The following TBC1D1 variants were observed in gnomAD, a reference collection of about 807,000 sequenced individuals.
TBC1D1 encodes TBC1 (tre-2/USP6, BUB2, cdc16) domain family, member 1.
TBC1D1 carries 89 observed loss-of-function variants against 125.6 expected under a neutral mutation model. The ratio of observed to expected loss-of-function variants is 0.71; its 90% CI spans 0.60 to 0.85. The LOEUF (loss-of-function observed/expected upper bound fraction) is 0.85. Among genes scored for constraint, TBC1D1 ranks in the 40% least tolerant of loss-of-function variants. The probability of loss-of-function intolerance (pLI) is 0.00; values close to 1 mark genes in which losing one functional copy is unlikely to be tolerated. For synonymous variants in TBC1D1, 565 were observed against 564.1 expected (o/e 1.00, Z -0.02); for missense variants, 1,377 against 1,469.2 (o/e 0.94, Z 1.03).
chr4:38,050,272 C>T (rs1750263192), intron 11 of TBC1D1, among the ~76,000 whole-genome samples: 1 of 152,186 alleles, frequency 6.6e-6, no homozygotes, highest in Non-Finnish European at 1.5e-5. Flanking sequence ...AGGCGCTGAT[C>T]CTTACAGGCA....
chr4:38,114,879 C>A (rs190477738), intron 15 of TBC1D1, among the ~76,000 whole-genome samples: 1 of 151,708 alleles, frequency 6.6e-6, no homozygotes, highest in Non-Finnish European at 1.5e-5. Flanking sequence ...TTTGAAAGTA[C>A]GGAGATATGC....
At position 38,106,500 on chromosome 4, in the gene TBC1D1, A is replaced by G. The variant is rs2152563014; in HGVS notation, c.2557+3343A>G. ...ATTGGCAGTAGCTGCATTTGCTGAC[A>G]TGGTGAGTTACAGGAAATGCCATCA... is the stretch of plus-strand genomic sequence containing the variant. On this transcript the variant is annotated intron_variant, in intron 15 of 19. Transcript: ENST00000261439. Among the ~76,000 whole-genome samples, 5 of 152,326 alleles carry G rather than the reference A, an allele frequency of 3.3e-5. 1 individual carries two copies. The highest frequency in any genetic ancestry group is 3.3e-4 in the Admixed American group (5 of 15,308).
chr4:38,057,750 A>G (rs966356343), intron 12 of TBC1D1, among the ~76,000 whole-genome samples: 3 of 152,348 alleles, frequency 2.0e-5, no homozygotes, highest in Admixed American at 6.5e-5. Flanking sequence ...AAGAACATCG[A>G]CATTTTTATG....
chr4:37,961,214 G>GGATA, intron 2 of TBC1D1: 1 of 726,834 alleles, frequency 1.4e-6, no homozygotes, highest in Non-Finnish European at 2.2e-6. Context: ...TACTCTTTGG[G>GGATA]GATATGTCAA....
Position 38,049,606 on chromosome 4 carries a change from G to A in TBC1D1, c.1630-12G>A. 2 of 1,594,984 alleles carry A rather than the reference G, an allele frequency of 1.3e-6. No individual in the cohort carries two copies. The highest frequency in any genetic ancestry group is 1.3e-5 in the African/African-American group (1 of 74,222). ...CCATGGTGTGTCTGATCTGCTGTGT[G>A]TTTGCTCCCAGGAGCCATCTGTGTG... On this transcript the variant is annotated splice_polypyrimidine_tract_variant and intron_variant, in intron 10 of 19. Coordinates refer to ENST00000261439, the MANE Select transcript of TBC1D1 (RefSeq NM_015173.4).
In TBC1D1 at chr4:37,920,578, G is replaced by T. The variant is rs539507639; in HGVS notation, c.417+18066G>T. Among the ~76,000 whole-genome samples the T allele has an allele frequency of 9.8e-5, 15 of 152,290 alleles. 1 individual carries two copies. In the South Asian group the frequency reaches 2.7e-3, roughly 27 times the overall value. ...TGCAGATTTCTGGGGTATTGGAGCC[G>T]TTTGAGGGATGTTCAATGGGCTGAA... On this transcript the variant is annotated intron_variant, in intron 2 of 19. Coordinates refer to ENST00000261439, the MANE Select transcript of TBC1D1 (RefSeq NM_015173.4).
intron 15 of TBC1D1, among the ~76,000 whole-genome samples, chr4:38,105,156 C>G (rs1761087602): frequency 6.6e-6 from 1 of 152,044 alleles, no homozygotes; most frequent in Non-Finnish European, 1.5e-5. Context: ...TCTTGCTAAG[C>G]CCCCTGTAGC....
At chr4:38,130,600 G>C (rs1765429355) in intron 18 of TBC1D1, among the ~76,000 whole-genome samples, 1 of 152,194 alleles carries the variant, frequency 6.6e-6, no homozygotes, top group South Asian at 2.1e-4. Context: ...CAAGAAAGAA[G>C]ATGAGAGCCA....
At chr4:37,959,619 G>T (rs1729586650) in intron 2 of TBC1D1, among the ~76,000 whole-genome samples, 1 of 152,176 alleles carries the variant, frequency 6.6e-6, no homozygotes, top group South Asian at 2.1e-4. Context: ...CTGGGTCAAA[G>T]ATTCATAGAA....
rs1766909922 is a variant in TBC1D1 at position 38,137,977 on chromosome 4, G to T, written c.*642G>T. 1 of 152,498 alleles carries T rather than the reference G, an allele frequency of 6.6e-6. No individual in the cohort carries two copies. The highest frequency in any genetic ancestry group is 2.4e-5 in the African/African-American group (1 of 41,394). The allele number at this position is 152,498 out of a possible 1,614,324, so 9.4% of individuals were successfully genotyped here. On this transcript the variant is annotated 3_prime_UTR_variant, in exon 20 of 20. Coordinates refer to ENST00000261439, the MANE Select transcript of TBC1D1 (RefSeq NM_015173.4). ...AAAGGAGTTAACATTTGAGGACTTT[G>T]TTCTACATCAGATTTTACTATTTGA...
chr4:37,912,605 T>C (rs1248655867), intron 2 of TBC1D1, among the ~76,000 whole-genome samples: 1 of 152,192 alleles, frequency 6.6e-6, no homozygotes, highest in Non-Finnish European at 1.5e-5. Flanking sequence ...ACCAATGTAA[T>C]AGTATTAAGA....
At chr4:38,020,562 C>G in intron 4 of TBC1D1, 29 bp from the exon 5 acceptor site, 1 of 1,586,576 alleles carries the variant, frequency 6.3e-7, no homozygotes, top group Non-Finnish European at 8.6e-7. Context: ...CTGGATACAA[C>G]TGAACATCTC....
At chr4:37,960,323 C>T in intron 2 of TBC1D1, 1 of 1,016,836 alleles carries the variant, frequency 9.8e-7, no homozygotes, top group South Asian at 1.7e-5. Flanking sequence ...ATGTGCTAGG[C>T]ACAAAAATTA....
chr4:37,984,288 G>A (rs922596814), intron 2 of TBC1D1, among the ~76,000 whole-genome samples: 1 of 152,138 alleles, frequency 6.6e-6, no homozygotes, highest in Non-Finnish European at 1.5e-5. Context: ...CAAGAAGTAT[G>A]ATTGATAGAT....
chr4:37,963,081 T>G (rs12649548), intron 2 of TBC1D1, among the ~76,000 whole-genome samples: 24,738 of 152,212 alleles, frequency 0.16, 2,219 homozygotes, highest in South Asian at 0.21. Context: ...CCAGGTCCTC[T>G]GCTACAGTCC....
At chr4:37,905,503 A>G (rs1278956658) in intron 2 of TBC1D1, among the ~76,000 whole-genome samples, 3 of 152,198 alleles carry the variant, frequency 2.0e-5, no homozygotes, top group Admixed American at 6.5e-5. Flanking sequence ...ATGATTTCCC[A>G]TGGAAACTCT....
intron 13 of TBC1D1, among the ~76,000 whole-genome samples, chr4:38,090,342 G>A (rs2152539044): frequency 6.6e-6 from 1 of 152,294 alleles, no homozygotes; most frequent in South Asian, 2.1e-4. Flanking sequence ...TATGGTCACT[G>A]TTAGTACAGT....
chr4:37,896,290 A>G (rs889638195), intron 1 of TBC1D1, among the ~76,000 whole-genome samples: 3 of 152,120 alleles, frequency 2.0e-5, no homozygotes, highest in Non-Finnish European at 2.9e-5. Context: ...AGTTACTGTA[A>G]AGTCCCCATC....
chr4:38,121,112 G>A (rs1763771541), intron 17 of TBC1D1, among the ~76,000 whole-genome samples: 1 of 152,164 alleles, frequency 6.6e-6, no homozygotes, highest in African/African-American at 2.4e-5. Context: ...GTGATGATGA[G>A]TGTGTCCAGT....
Sources: allele counts gnomAD v4.1 joint callset (sites outside exome capture counted in the v4.1 genomes callset), GRCh38; gene constraint gnomAD v4.1.1; transcripts MANE v1.5; gene names NCBI Gene and HGNC (gene_info 2026-07-23, HGNC 2026-07-21).